Variants in PTPRD observed in about 807,000 individuals in gnomAD.
PTPRD encodes the protein protein tyrosine phosphatase receptor type D.
A neutral mutation model predicts 214.5 loss-of-function variants in PTPRD; 34 were observed. The observed-to-expected ratio is 0.16, with a 90% CI of 0.12 to 0.21. The LOEUF is 0.21. PTPRD is among the 10% of genes least tolerant of loss of function. The probability of loss-of-function intolerance (pLI) is 1.00; values close to 1 mark genes in which losing one functional copy is unlikely to be tolerated. For synonymous variants in PTPRD, 1,128 were observed against 845.7 expected (o/e 1.33, Z -5.79); for missense variants, 2,545 against 2,398.7 (o/e 1.06, Z -1.27).
chr9:9,549,325 T>C (rs1039515542), intron 8 of PTPRD, among the ~76,000 whole-genome samples: 17 of 152,170 alleles, frequency 1.1e-4, no homozygotes, highest in Non-Finnish European at 2.4e-4. Context: ...AGAACTCTTA[T>C]AACTAATCAA....
chr9:8,819,389 A>G (rs1836226), intron 11 of PTPRD, among the ~76,000 whole-genome samples: 105,875 of 152,006 alleles, frequency 0.7, 37,179 homozygotes, highest in Middle Eastern at 0.79. Context: ...GGGGCCCAGC[A>G]CAGTGGCTCA....
intron 5 of PTPRD, among the ~76,000 whole-genome samples, chr9:9,824,094 G>T (rs1284589512): frequency 6.6e-6 from 1 of 151,748 alleles, no homozygotes; most frequent in Non-Finnish European, 1.5e-5. Context: ...ATTATCTTCA[G>T]TCTATAAAGC....
chr9:9,091,322 A>T lies in PTPRD; in HGVS notation c.-142-72587T>A, dbSNP rs1591462001. On this transcript the variant is annotated intron_variant, in intron 10 of 45. Coordinates refer to ENST00000381196, the MANE Select transcript of PTPRD (RefSeq NM_002839.4). ...AATGGAAATTGTACTTTAAAAAAAA[A>T]ATTTCTTTAAATAGCTGCGTATTTT... 28 of 892,172 alleles carry T rather than the reference A, an allele frequency of 3.1e-5. No homozygotes were observed. The South Asian group carries it at 3.8e-4, about 12-fold the overall frequency. 55.3% of individuals were successfully genotyped at this position (892,172 alleles called of 1,614,324 possible).
chr9:8,602,060 T>C (rs2094898880), intron 14 of PTPRD, among the ~76,000 whole-genome samples: 1 of 151,982 alleles, frequency 6.6e-6, no homozygotes, highest in South Asian at 2.1e-4. Context: ...CACTTAGCAA[T>C]GTGCTACCAA....
intron 7 of PTPRD, among the ~76,000 whole-genome samples, chr9:9,674,066 A>G (rs571832098): frequency 1.3e-5 from 2 of 152,046 alleles, no homozygotes; most frequent in South Asian, 4.1e-4. Context: ...CAAGAAAGAT[A>G]GTCTGAACTA....
At position 9,947,541 on chromosome 9, in the gene PTPRD, AATATATATATTATATATATATTTT is replaced by A. The variant is rs1256991120; in HGVS notation, c.-471-8955_-471-8932del. ...TATATATTATATATATTTTATATAT[AATATATATATTATATATATATTTT>A]ATATATATATTATATATATATTATA... On this transcript the variant is annotated intron_variant, in intron 4 of 45. Transcript: ENST00000381196. Among the ~76,000 whole-genome samples the A allele has an allele frequency of 1.4e-3, 35 of 25,660 alleles. 1 individual carries two copies. Among genetic ancestry groups the A allele is most frequent in the African/African-American group, 6.8e-3 (31 of 4,532 alleles). 16.8% of individuals were successfully genotyped at this position (25,660 alleles called of 152,430 possible).
At chr9:10,555,452 T>A (rs573991166) in intron 2 of PTPRD, among the ~76,000 whole-genome samples, 1 of 152,316 alleles carries the variant, frequency 6.6e-6, no homozygotes, top group South Asian at 2.1e-4. Flanking sequence ...CAAACTTAAC[T>A]GGGGGTATTC....
intron 7 of PTPRD, among the ~76,000 whole-genome samples, chr9:9,667,835 A>AT (rs2096752701): frequency 6.6e-6 from 1 of 152,172 alleles, no homozygotes; most frequent in African/African-American, 2.4e-5. Context: ...AGTAATCTGC[A>AT]TTTTGTCAAG....
chr9:8,962,678 A>G (rs1198188469), intron 11 of PTPRD: 5 of 152,154 alleles, frequency 3.3e-5, no homozygotes, highest in Non-Finnish European at 7.4e-5. Flanking sequence ...TAAAATTACC[A>G]TATTCTAAAA....
At position 8,595,294 on chromosome 9, in the gene PTPRD, T is replaced by C. The variant is rs1169974323; in HGVS notation, c.352+38023A>G. 2.6e-5 allele frequency among the ~76,000 whole-genome samples: 4 copies of C among 151,160 alleles called. No individual in the cohort carries two copies. In the South Asian group the frequency reaches 8.4e-4, roughly 32 times the overall value. On this transcript the variant is annotated intron_variant, in intron 14 of 45. Coordinates refer to ENST00000381196, the MANE Select transcript of PTPRD (RefSeq NM_002839.4). ...CACATGATAAGCTTACTCTGAAAAA[T>C]AGTTTTTTAAAAAACAAGAAGGATC...
chr9:8,783,448 T>C (rs148628360), intron 11 of PTPRD, among the ~76,000 whole-genome samples: 2 of 152,366 alleles, frequency 1.3e-5, no homozygotes, highest in East Asian at 1.9e-4. Flanking sequence ...TGAAGTTTTA[T>C]ATGTATTCTT....
chr9:10,161,483 C>G (rs1180151156), intron 3 of PTPRD, among the ~76,000 whole-genome samples: 1 of 151,686 alleles, frequency 6.6e-6, no homozygotes, highest in Non-Finnish European at 1.5e-5. Context: ...TCTGAGAAAA[C>G]TGGATAAACA....
chr9:9,351,942 C>T (rs1381167414), intron 9 of PTPRD, among the ~76,000 whole-genome samples: 1 of 151,926 alleles, frequency 6.6e-6, no homozygotes, highest in African/African-American at 2.4e-5. Context: ...AGAGCTTCCT[C>T]CATGAGAATC....
At chr9:8,973,908 G>A (rs1483792320) in intron 11 of PTPRD, among the ~76,000 whole-genome samples, 1 of 151,882 alleles carries the variant, frequency 6.6e-6, no homozygotes, top group Non-Finnish European at 1.5e-5. Context: ...TTTTAATAGG[G>A]TTGTTTTTTG....
In PTPRD at chr9:10,086,129, G is replaced by A. The variant is rs563994846; in HGVS notation, c.-544-52339C>T. Among the ~76,000 whole-genome samples, 10 of 151,786 alleles carry A rather than the reference G, an allele frequency of 6.6e-5. No homozygotes were observed. The East Asian group carries it at 1.8e-3, about 27-fold the overall frequency. ...ATTGATAAAGGTTTTAGCATATTGG[G>A]GGCACGTAATGAGGGCTAAAAATGG... On this transcript the variant is annotated intron_variant, in intron 3 of 45. Coordinates refer to ENST00000381196, the MANE Select transcript of PTPRD (RefSeq NM_002839.4).
rs184191796 is a variant in PTPRD at position 9,925,464 on chromosome 9, C to A, written c.-368+13043G>T. ...GGAGGTTCTATATTATATAAATAAT[C>A]TTTGAAGAGTGATTTATGGTTTTGG... On this transcript the variant is annotated intron_variant, in intron 5 of 45. Coordinates refer to ENST00000381196, the MANE Select transcript of PTPRD (RefSeq NM_002839.4). Among the ~76,000 whole-genome samples, 854 of 152,076 alleles carry A rather than the reference C, an allele frequency of 5.6e-3. 5 individuals are homozygous for A. Among genetic ancestry groups the A allele is most frequent in the African/African-American group, 0.019 (794 of 41,506 alleles).
intron 12 of PTPRD, among the ~76,000 whole-genome samples, chr9:8,666,927 C>T (rs2097181745): frequency 6.6e-6 from 1 of 151,744 alleles, no homozygotes; most frequent in Non-Finnish European, 1.5e-5. Flanking sequence ...GTCTTGTGTA[C>T]ATACATTATC....
chr9:9,841,063 T>C (rs1332614864), intron 5 of PTPRD, among the ~76,000 whole-genome samples: 1 of 152,178 alleles, frequency 6.6e-6, no homozygotes, highest in African/African-American at 2.4e-5. Flanking sequence ...GAGAAAATTA[T>C]CTTTGTACAA....
chr9:8,545,880 G>C (rs1158352337), intron 14 of PTPRD, among the ~76,000 whole-genome samples: 2 of 152,204 alleles, frequency 1.3e-5, no homozygotes, highest in African/African-American at 4.8e-5. Context: ...CATTAAGCCT[G>C]TTCAAGAAGA....
Sources: gnomAD v4.1 joint callset for allele counts (sites outside exome capture counted in the v4.1 genomes callset) on GRCh38, gnomAD v4.1.1 for gene constraint, MANE v1.5 for transcripts, NCBI Gene and HGNC (gene_info 2026-07-23, HGNC 2026-07-21) for gene names.